The following MAN1A2 variants were observed in gnomAD, a reference collection of about 807,000 sequenced individuals.
The protein encoded by MAN1A2 is mannosyl-oligosaccharide 1,2-alpha-mannosidase IB.
A neutral mutation model predicts 75.7 loss-of-function variants in MAN1A2; 26 were observed. The ratio of observed to expected loss-of-function variants is 0.34; its 90% CI spans 0.25 to 0.48. The LOEUF (loss-of-function observed/expected upper bound fraction) is 0.48. Ranked by LOEUF, MAN1A2 falls within the 20% of genes least tolerant of loss-of-function variation. The pLI is 0.99. For missense variants in MAN1A2, 562 were observed against 775.5 expected, an observed-to-expected ratio of 0.72 and a Z score of 3.27; for synonymous variants, 247 against 264.6, an observed-to-expected ratio of 0.93 and a Z score of 0.65.
intron 8 of MAN1A2, among the ~76,000 whole-genome samples, chr1:117,485,549 A>G (rs1570782725): frequency 6.6e-6 from 1 of 152,054 alleles, no homozygotes; most frequent in East Asian, 1.9e-4. Flanking sequence ...AAGGTAACTG[A>G]TGGAATCCCA....
chr1:117,497,587 G>A (rs1557974661), intron 10 of MAN1A2, among the ~76,000 whole-genome samples: 1 of 151,814 alleles, frequency 6.6e-6, no homozygotes, highest in African/African-American at 2.4e-5. Flanking sequence ...TTTGGTTGGG[G>A]CTGAGAAAAT....
chr1:117,508,302 C>T (rs1651431621), intron 12 of MAN1A2, among the ~76,000 whole-genome samples: 1 of 150,142 alleles, frequency 6.7e-6, no homozygotes, highest in Non-Finnish European at 1.5e-5. Context: ...TCAGAAATCA[C>T]AAGTTGGAAA....
At chr1:117,404,467 T>C (rs368210250) in intron 2 of MAN1A2, among the ~76,000 whole-genome samples, 2 of 152,216 alleles carry the variant, frequency 1.3e-5, no homozygotes, top group African/African-American at 4.8e-5. Flanking sequence ...GGCTTCAAGT[T>C]TGGCTGAATC....
chr1:117,458,296 C>G (rs2101832067), intron 6 of MAN1A2, among the ~76,000 whole-genome samples: 1 of 151,684 alleles, frequency 6.6e-6, no homozygotes, highest in East Asian at 1.9e-4. Flanking sequence ...TTGATTCTCA[C>G]TTCTAGCTAT....
chr1:117,473,778 A>G (rs1014051444), intron 8 of MAN1A2, among the ~76,000 whole-genome samples: 1 of 152,016 alleles, frequency 6.6e-6, no homozygotes, highest in Non-Finnish European at 1.5e-5. Context: ...ACCTTACGTG[A>G]TAGGCGGAAG....
chr1:117,402,066 A>G (rs1164532124), intron 1 of MAN1A2, 120 bp from the exon 2 acceptor site: 1 of 1,014,346 alleles, frequency 9.9e-7, no homozygotes, highest in Non-Finnish European at 1.4e-6. Context: ...CTTTCCTTTT[A>G]ATGGCAAAAG....
At chr1:117,441,067 G>A (rs917079511) in intron 5 of MAN1A2, among the ~76,000 whole-genome samples, 2 of 152,138 alleles carry the variant, frequency 1.3e-5, no homozygotes, top group African/African-American at 4.8e-5. Context: ...AATTGTAGAT[G>A]TGTGAATATA....
At chr1:117,408,804 A>C (rs955813737) in intron 3 of MAN1A2, among the ~76,000 whole-genome samples, 3 of 152,124 alleles carry the variant, frequency 2.0e-5, no homozygotes, top group African/African-American at 7.2e-5. Flanking sequence ...TTTAAACTAC[A>C]AACTTAATTT....
chr1:117,429,972 C>T (rs1424061162), intron 5 of MAN1A2, among the ~76,000 whole-genome samples: 2 of 70,280 alleles, frequency 2.8e-5, no homozygotes, highest in African/African-American at 5.9e-5. Flanking sequence ...GGCGGCTGGC[C>T]GGGCGGAGGG....
intron 8 of MAN1A2, among the ~76,000 whole-genome samples, chr1:117,475,304 C>G (rs1650281498): frequency 6.6e-6 from 1 of 151,832 alleles, no homozygotes; most frequent in African/African-American, 2.4e-5. Flanking sequence ...TCTCCATATA[C>G]CTGCCAACAC....
intron 12 of MAN1A2, among the ~76,000 whole-genome samples, chr1:117,520,783 T>C (rs1407393259): frequency 6.6e-6 from 1 of 151,942 alleles, no homozygotes; most frequent in Non-Finnish European, 1.5e-5. Flanking sequence ...CCTGTCAAAA[T>C]ACCACCATCA....
intron 1 of MAN1A2, among the ~76,000 whole-genome samples, chr1:117,386,061 A>G (rs1449270420): frequency 6.6e-6 from 1 of 152,230 alleles, no homozygotes; most frequent in African/African-American, 2.4e-5. Context: ...GCTAGATGTT[A>G]GGAAGATTAA....
At chr1:117,396,456 C>A (rs542538099) in intron 1 of MAN1A2, among the ~76,000 whole-genome samples, 183 of 152,110 alleles carry the variant, frequency 1.2e-3, no homozygotes, top group African/African-American at 4.3e-3. Context: ...TTGAAAATAC[C>A]AAAGTTAAAA....
At chr1:117,442,900 A>T (rs1026272125) in intron 6 of MAN1A2, among the ~76,000 whole-genome samples, 7 of 152,174 alleles carry the variant, frequency 4.6e-5, no homozygotes, top group Non-Finnish European at 8.8e-5. Flanking sequence ...AATCGAAAAC[A>T]TTGGTTTTTT....
rs530948292 is a variant in MAN1A2, at chr1:117,382,525, T to C, written c.302+14040T>C. ...GGCATTATTTCTGAGGGCTCTGTTC[T>C]GTTCCATTGATCTATATCTCTGTTT... is the stretch of plus-strand genomic sequence containing the variant. On this transcript the variant is annotated intron_variant, in intron 1 of 12. Transcript: ENST00000356554. Among the ~76,000 whole-genome samples, 22 of 152,322 alleles carry C rather than the reference T, an allele frequency of 1.4e-4. No homozygotes were observed. The South Asian group carries it at 4.4e-3, about 30-fold the overall frequency.
At chr1:117,420,043 C>T (rs1357336979) in intron 4 of MAN1A2, among the ~76,000 whole-genome samples, 1 of 151,912 alleles carries the variant, frequency 6.6e-6, no homozygotes, top group Non-Finnish European at 1.5e-5. Flanking sequence ...TAATTTCTTA[C>T]CCAGGAGGCA....
intron 12 of MAN1A2, among the ~76,000 whole-genome samples, chr1:117,517,138 A>T (rs1273810590): frequency 2.6e-5 from 4 of 152,152 alleles, no homozygotes; most frequent in African/African-American, 9.7e-5. Context: ...TATGTAGCAA[A>T]TAATGAAAGC....
At chr1:117,501,394 C>T (rs1403797083) in intron 11 of MAN1A2, among the ~76,000 whole-genome samples, 1 of 151,738 alleles carries the variant, frequency 6.6e-6, no homozygotes, top group East Asian at 1.9e-4. Context: ...TCACCATTGG[C>T]CTCTCCTCTT....
At chr1:117,408,371 G>C (rs983584560) in intron 3 of MAN1A2, among the ~76,000 whole-genome samples, 2 of 150,232 alleles carry the variant, frequency 1.3e-5, no homozygotes, top group African/African-American at 4.9e-5. Context: ...AGAAAGTTTT[G>C]TTAGGGATAG....
Sources: allele counts gnomAD v4.1 joint callset (sites outside exome capture counted in the v4.1 genomes callset), GRCh38; gene constraint gnomAD v4.1.1; transcripts MANE v1.5; gene names NCBI Gene and HGNC (gene_info 2026-07-23, HGNC 2026-07-21).